ATG7: variants seen among roughly 807,000 people sequenced by gnomAD.
ATG7 encodes the protein ubiquitin-like modifier-activating enzyme ATG7.
A neutral mutation model predicts 82.4 loss-of-function variants in ATG7; 70 were observed. The ratio of observed to expected loss-of-function variants is 0.85; its 90% CI spans 0.70 to 1.04. The LOEUF is 1.04. ATG7 is among the 50% of genes least tolerant of loss of function. ATG7 has a pLI of 0.00. For synonymous variants in ATG7, 287 were observed against 313.0 expected (o/e 0.92, Z 0.88); for missense variants, 792 against 864.3 (o/e 0.92, Z 1.05).
At chr3:11,482,080 C>A (rs1365951508) in intron 20 of ATG7, among the ~76,000 whole-genome samples, 5 of 152,222 alleles carry the variant, frequency 3.3e-5, no homozygotes, top group African/African-American at 1.2e-4. Context: ...TCCTAAGAAT[C>A]CTCTTCTCTC....
chr3:11,353,708 C>G (rs557496667), intron 14 of ATG7, among the ~76,000 whole-genome samples: 195 of 152,230 alleles, frequency 1.3e-3, no homozygotes, highest in Non-Finnish European at 2.4e-3. Context: ...CTCTCTTTTT[C>G]CCTCCCTTGC....
chr3:11,366,247 G>A, intron 18 of ATG7, among the ~76,000 whole-genome samples: 1 of 149,894 alleles, frequency 6.7e-6, no homozygotes, highest in South Asian at 2.1e-4. Flanking sequence ...AATAGAACTT[G>A]TAGAGTTCAC....
intron 20 of ATG7, among the ~76,000 whole-genome samples, chr3:11,513,399 G>C (rs1266943284): frequency 6.6e-6 from 1 of 152,244 alleles, no homozygotes; most frequent in East Asian, 1.9e-4. Flanking sequence ...CGGGGAGGCA[G>C]CTAAGGCCCA....
intron 20 of ATG7, among the ~76,000 whole-genome samples, chr3:11,523,466 C>A (rs9840982): frequency 0.16 from 23,771 of 152,256 alleles, 2,028 homozygotes; most frequent in Middle Eastern, 0.24. Context: ...TGTTCCCGGA[C>A]AACCCATTCT....
intron 20 of ATG7, among the ~76,000 whole-genome samples, chr3:11,468,772 G>A (rs17535764): frequency 2.0e-5 from 3 of 152,158 alleles, no homozygotes. Context: ...AAAATGTTAC[G>A]TGTGTGTATT....
intron 20 of ATG7, among the ~76,000 whole-genome samples, chr3:11,456,735 G>A (rs1254085629): frequency 2.0e-5 from 3 of 152,102 alleles, no homozygotes; most frequent in Non-Finnish European, 2.9e-5. Context: ...AAAATGTGAC[G>A]GAAAGAAGTA....
chr3:11,424,460 CAG>C (rs1029419636), intron 19 of ATG7, among the ~76,000 whole-genome samples: 11 of 151,916 alleles, frequency 7.2e-5, no homozygotes, highest in Admixed American at 7.2e-4. Flanking sequence ...GCCTAGGTGA[CAG>C]AGCGAGACTG....
At chr3:11,533,512 G>A in intron 20 of ATG7, among the ~76,000 whole-genome samples, 1 of 143,322 alleles carries the variant, frequency 7.0e-6, no homozygotes, top group Admixed American at 7.2e-5. Context: ...GGTAGTTTGG[G>A]ACCACAGAGA....
chr3:11,498,553 C>G (rs887949446), intron 20 of ATG7, among the ~76,000 whole-genome samples: 6 of 152,212 alleles, frequency 3.9e-5, no homozygotes, highest in African/African-American at 1.4e-4. Flanking sequence ...TGGTTTTCAC[C>G]GTGTCACTCC....
intron 1 of ATG7, among the ~76,000 whole-genome samples, chr3:11,279,536 T>G (rs1942606458): frequency 6.6e-6 from 1 of 151,904 alleles, no homozygotes; most frequent in Admixed American, 6.6e-5. Flanking sequence ...ATACAAAAAT[T>G]AGCCAGGCAT....
intron 3 of ATG7, among the ~76,000 whole-genome samples, chr3:11,284,992 G>A (rs887995004): frequency 9.3e-5 from 14 of 151,312 alleles, no homozygotes; most frequent in Non-Finnish European, 1.6e-4. Flanking sequence ...GACTATAGGC[G>A]CCCGCCACCA....
chr3:11,491,684 T>C (rs1319883996), intron 20 of ATG7, among the ~76,000 whole-genome samples: 2 of 152,176 alleles, frequency 1.3e-5, no homozygotes, highest in African/African-American at 4.8e-5. Flanking sequence ...TAGTTTTCCT[T>C]CTAACAGACA....
At chr3:11,483,811 G>A (rs58117347) in intron 20 of ATG7, among the ~76,000 whole-genome samples, 1,712 of 152,218 alleles carry the variant, frequency 0.011, 31 homozygotes, top group African/African-American at 0.039. Flanking sequence ...TGGACTCTAC[G>A]GTAGAATTTA....
At chr3:11,303,002 G>C (rs1947029293) in intron 5 of ATG7, among the ~76,000 whole-genome samples, 1 of 152,208 alleles carries the variant, frequency 6.6e-6, no homozygotes, top group Non-Finnish European at 1.5e-5. Flanking sequence ...TTCATTTCTT[G>C]CTCATCAAAT....
chr3:11,373,010 ATTG>A (rs1261277305), intron 18 of ATG7, among the ~76,000 whole-genome samples: 1 of 151,208 alleles, frequency 6.6e-6, no homozygotes, highest in Non-Finnish European at 1.5e-5. Context: ...AGTATGGGTT[ATTG>A]TTTTGTTTGT....
intron 3 of ATG7, among the ~76,000 whole-genome samples, chr3:11,297,600 G>T (rs140183262): frequency 1.7e-3 from 263 of 152,266 alleles, no homozygotes; most frequent in African/African-American, 6.0e-3. Context: ...TTTATTAGAT[G>T]ATTCGAAGGG....
chr3:11,541,627 C>T (rs2070840744), intron 20 of ATG7, among the ~76,000 whole-genome samples: 1 of 152,182 alleles, frequency 6.6e-6, no homozygotes, highest in Non-Finnish European at 1.5e-5. Flanking sequence ...CAAGATGTCC[C>T]TTCTCACCAA....
At chr3:11,491,993 G>C (rs1266922253) in intron 20 of ATG7, among the ~76,000 whole-genome samples, 1 of 152,228 alleles carries the variant, frequency 6.6e-6, no homozygotes, top group Non-Finnish European at 1.5e-5. Flanking sequence ...GCTACACCAA[G>C]TTTGAGCTTC....
intron 9 of ATG7, among the ~76,000 whole-genome samples, chr3:11,316,330 T>C (rs1185710631): frequency 6.6e-6 from 1 of 152,260 alleles, no homozygotes; most frequent in African/African-American, 2.4e-5. Flanking sequence ...GCTAATCTTA[T>C]CTATTTTTCT....
Sources: allele counts gnomAD v4.1 joint callset (sites outside exome capture counted in the v4.1 genomes callset), GRCh38; gene constraint gnomAD v4.1.1; transcripts MANE v1.5; gene names NCBI Gene and HGNC (gene_info 2026-07-23, HGNC 2026-07-21).